The following ANGPT2 variants were observed in gnomAD, a reference collection of about 807,000 sequenced individuals.
ANGPT2 encodes the protein angiopoietin 2.
Under a neutral mutation model 62.9 loss-of-function variants are expected in ANGPT2, and 28 were observed. The observed-to-expected ratio is 0.44, with a 90% CI of 0.33 to 0.61. The LOEUF is 0.61. Ranked by LOEUF, ANGPT2 falls within the 20% of genes least tolerant of loss-of-function variation. The pLI is 0.03. For missense variants in ANGPT2, 727 were observed against 594.9 expected, an observed-to-expected ratio of 1.22 and a Z score of -2.31; for synonymous variants, 284 against 207.8, an observed-to-expected ratio of 1.37 and a Z score of -3.15.
chr8:6,536,981 A>G (rs1279208737), intron 1 of ANGPT2, among the ~76,000 whole-genome samples: 1 of 151,654 alleles, frequency 6.6e-6, no homozygotes, highest in African/African-American at 2.4e-5. Flanking sequence ...AGAAAAAAAA[A>G]AAAAAAAAAC....
chr8:6,552,922 A>G (rs1823911191), intron 1 of ANGPT2, among the ~76,000 whole-genome samples: 1 of 152,166 alleles, frequency 6.6e-6, no homozygotes, highest in African/African-American at 2.4e-5. Context: ...AACTGAAGAT[A>G]GTAAAAGGAT....
chr8:6,519,872 C>T lies in ANGPT2; in HGVS notation c.919G>A (p.Glu307Lys). The change falls in exon 5 of 9, where the codon GAG becomes AAG. Residue 307 changes from glutamate (E) to lysine (K), a missense_variant. Glu to Lys is a moderately conservative substitution (Grantham distance 56, BLOSUM62 1). Transcript: ENST00000629816. ...GGAGACGAATACCTCACCTTGATCT[C>T]TTCTGTAGAATTAGGGAATGTTAAC... ...YTLTFPNSTEEIKAYCDMEAG... is the reference protein window; with the variant it reads ...YTLTFPNSTEKIKAYCDMEAG... The T allele has an allele frequency of 6.2e-7, 1 of 1,613,994 alleles. No individual in the cohort carries two copies. The highest frequency in any genetic ancestry group is 8.5e-7 in the Non-Finnish European group (1 of 1,179,926).
chr8:6,534,980 C>G (rs768213191), intron 1 of ANGPT2, among the ~76,000 whole-genome samples: 1 of 152,166 alleles, frequency 6.6e-6, no homozygotes, highest in Non-Finnish European at 1.5e-5. Context: ...GTCTTAGTTA[C>G]TCCTCACAGC....
intron 1 of ANGPT2, among the ~76,000 whole-genome samples, chr8:6,559,353 T>G (rs921264231): frequency 6.6e-6 from 1 of 152,156 alleles, no homozygotes; most frequent in Admixed American, 6.5e-5. Context: ...CAGCTATGTT[T>G]GAAGAGCATA....
chr8:6,531,101 G>A (rs1194718989), intron 2 of ANGPT2, among the ~76,000 whole-genome samples: 3 of 152,100 alleles, frequency 2.0e-5, no homozygotes, highest in Non-Finnish European at 4.4e-5. Context: ...CTTGGCCGCC[G>A]AGAGTCACGA....
At chr8:6,543,752 T>C (rs1214504209) in intron 1 of ANGPT2, among the ~76,000 whole-genome samples, 1 of 152,218 alleles carries the variant, frequency 6.6e-6, no homozygotes, top group Non-Finnish European at 1.5e-5. Context: ...CTTCGACCTC[T>C]GGTTCAGTTC....
Position 6,504,469 on chromosome 8 carries a change from T to G in ANGPT2, c.1328-1208A>C, listed in dbSNP as rs200737195. Among the ~76,000 whole-genome samples, 215 of 152,290 alleles carry G rather than the reference T, an allele frequency of 1.4e-3. 2 individuals carry two copies. The highest frequency in any genetic ancestry group is 1.5e-3 in the East Asian group (8 of 5,184). On this transcript the variant is annotated intron_variant, in intron 8 of 8. Coordinates refer to ENST00000629816, the MANE Select transcript of ANGPT2 (RefSeq NM_001118887.2). ...TCCACGCTGTCTACATCCGGTCTCCTGATCACTTAGTAGCTGTCTTGGTTA... is the reference window on the plus strand; with the variant it reads ...TCCACGCTGTCTACATCCGGTCTCCGGATCACTTAGTAGCTGTCTTGGTTA...
intron 1 of ANGPT2, among the ~76,000 whole-genome samples, chr8:6,551,004 T>C (rs572727776): frequency 4.6e-5 from 7 of 152,318 alleles, no homozygotes; most frequent in African/African-American, 1.4e-4. Context: ...AAGAACCCTG[T>C]AGACTTTTGA....
At chr8:6,545,480 T>C (rs1215894648) in intron 1 of ANGPT2, among the ~76,000 whole-genome samples, 1 of 152,240 alleles carries the variant, frequency 6.6e-6, no homozygotes, top group African/African-American at 2.4e-5. Context: ...TAGGAGCACC[T>C]AAATAATGCC....
chr8:6,547,492 T>C (rs1296274016), intron 1 of ANGPT2, among the ~76,000 whole-genome samples: 2 of 152,200 alleles, frequency 1.3e-5, no homozygotes, highest in East Asian at 3.9e-4. Context: ...GCTTGAATTT[T>C]TACTCAACAA....
chr8:6,506,838 A>T (rs1813823135), intron 8 of ANGPT2, among the ~76,000 whole-genome samples: 1 of 152,040 alleles, frequency 6.6e-6, no homozygotes, highest in African/African-American at 2.4e-5. Flanking sequence ...AAATTTAAAG[A>T]CATGAAAATT....
rs2916747 is a variant in ANGPT2, at chr8:6,513,770, A to G, written c.1104T>C (p.Tyr368=). The change falls in exon 7 of 9, where the codon TAT becomes TAC. Residue 368 remains tyrosine, a synonymous_variant. Coordinates refer to ENST00000629816, the MANE Select transcript of ANGPT2 (RefSeq NM_001118887.2). ...FVSQLTNQQR[Y]VLKIHLKDWE... is the part of the protein sequence containing the mutation. ...AGTCTTTAAGGTGTATTTTAAGCAC[A>G]TAGCGTTGCTGATTAGTCAGTTGCG... 100,333 of 1,613,684 alleles carry G rather than the reference A, an allele frequency of 0.062. 6,792 individuals are homozygous for G. The highest frequency in any genetic ancestry group is 0.32 in the African/African-American group (24,260 of 74,950).
At chr8:6,505,294 C>CTTT (rs1563305714) in intron 8 of ANGPT2, among the ~76,000 whole-genome samples, 1 of 36,792 alleles carries the variant, frequency 2.7e-5, no homozygotes, top group African/African-American at 8.9e-5. Flanking sequence ...ATGTTATATA[C>CTTT]ATATATATGT....
intron 6 of ANGPT2, 44 bp from the exon 7 acceptor site, chr8:6,513,888 TC>T: frequency 2.6e-6 from 4 of 1,550,526 alleles, no homozygotes; most frequent in Non-Finnish European, 3.5e-6. Flanking sequence ...TGTAATTTTT[TC>T]TTTGTATATT....
In ANGPT2 at chr8:6,519,913, G is replaced by A. The variant is rs201656196; in HGVS notation, c.878C>T (p.Thr293Met). ...CAEVFKSGHT[T>M]NGIYTLTFPN... ...GAATGTTAACGTGTAGATGCCATTC[G>A]TGGTGTGTCCTGATTTGAATACTTC... The change falls in exon 5 of 9, where the codon ACG becomes ATG. Residue 293 changes from threonine (T) to methionine (M), a missense_variant. Thr to Met is a moderately conservative substitution (Grantham distance 81). Transcript: ENST00000629816. 17 of 1,613,866 alleles carry A rather than the reference G, an allele frequency of 1.1e-5. No homozygotes were observed. Among genetic ancestry groups the A allele is most frequent in the Middle Eastern group, 3.3e-4 (2 of 6,060 alleles).
chr8:6,549,284 G>C (rs1823163178), intron 1 of ANGPT2, among the ~76,000 whole-genome samples: 1 of 152,220 alleles, frequency 6.6e-6, no homozygotes, highest in Non-Finnish European at 1.5e-5. Flanking sequence ...TGATGGAAAA[G>C]AAGAAACTTT....
chr8:6,530,334 CCT>C (rs1397926166), intron 2 of ANGPT2, among the ~76,000 whole-genome samples: 3 of 151,826 alleles, frequency 2.0e-5, no homozygotes, highest in Non-Finnish European at 2.9e-5. Context: ...GTGGTGAAAC[CCT>C]GTCTCTACTA....
At chr8:6,525,499 G>A (rs1818172575) in intron 3 of ANGPT2, among the ~76,000 whole-genome samples, 1 of 152,228 alleles carries the variant, frequency 6.6e-6, no homozygotes, top group African/African-American at 2.4e-5. Context: ...CAAAGTGCTG[G>A]GATTATAGGC....
Position 6,562,863 on chromosome 8 carries a change from C to G in ANGPT2, c.72G>C (p.Lys24Asn). 2 of 1,612,950 alleles carry G rather than the reference C, an allele frequency of 1.2e-6. No homozygotes were observed. Among genetic ancestry groups the G allele is most frequent in the Non-Finnish European group, 1.7e-6 (2 of 1,179,116 alleles). The change falls in exon 1 of 9, where the codon AAG becomes AAC. Residue 24 changes from lysine (K) to asparagine (N), a missense_variant. Lys to Asn is a moderately conservative substitution (Grantham distance 94). Transcript: ENST00000629816. ...VLAAAYNNFR[K>N]SMDSIGKKQY... ...GCTTCTTTCCTATGCTGTCCATGCTCTTCCGAAAGTTGTTATAGGCTGCGG... is the reference window on the plus strand; with the variant it reads ...GCTTCTTTCCTATGCTGTCCATGCTGTTCCGAAAGTTGTTATAGGCTGCGG...
Sources: allele counts gnomAD v4.1 joint callset (sites outside exome capture counted in the v4.1 genomes callset), GRCh38; gene constraint gnomAD v4.1.1; transcripts MANE v1.5; gene names NCBI Gene and HGNC (gene_info 2026-07-23, HGNC 2026-07-21).